Variants in PCGF5 observed in about 807,000 individuals in gnomAD.
PCGF5 encodes polycomb group RING finger protein 5.
PCGF5 carries 9 observed loss-of-function variants against 44.3 expected under a neutral mutation model. The ratio of observed to expected loss-of-function variants is 0.20; its 90% CI spans 0.12 to 0.35. The LOEUF (loss-of-function observed/expected upper bound fraction) is 0.35. PCGF5 is among the 10% of genes least tolerant of loss of function. PCGF5 has a pLI of 1.00. For missense variants in PCGF5, 146 were observed against 305.3 expected, an observed-to-expected ratio of 0.48 and a Z score of 3.89; for synonymous variants, 95 against 102.5, an observed-to-expected ratio of 0.93 and a Z score of 0.44.
intron 1 of PCGF5, among the ~76,000 whole-genome samples, chr10:91,169,712 A>G (rs1843569809): frequency 6.6e-6 from 1 of 152,344 alleles, no homozygotes; most frequent in East Asian, 1.9e-4. Flanking sequence ...AACTGTATTC[A>G]TATATTTAAT....
upstream of PCGF5, among the ~76,000 whole-genome samples, chr10:91,215,549 C>A (rs1844525428): frequency 1.3e-5 from 2 of 152,368 alleles, no homozygotes; most frequent in Non-Finnish European, 2.9e-5. Context: ...AATGTGCCCT[C>A]TTTTGCTGAG....
At chr10:91,277,009 A>G (rs1214809247) in intron 9 of PCGF5, among the ~76,000 whole-genome samples, 2 of 152,242 alleles carry the variant, frequency 1.3e-5, no homozygotes, top group South Asian at 2.1e-4. Context: ...AAGTAAAACC[A>G]GAACAGTTTT....
chr10:91,266,357 T>C (rs916497264), intron 8 of PCGF5, among the ~76,000 whole-genome samples: 6 of 152,216 alleles, frequency 3.9e-5, no homozygotes, highest in African/African-American at 1.2e-4. Flanking sequence ...ATTATTTTAA[T>C]GTCAAAGTAT....
chr10:91,156,219 G>A, the PCGF5 span, among the ~76,000 whole-genome samples: 1 of 152,146 alleles, frequency 6.6e-6, no homozygotes. Flanking sequence ...GGGAGGGTAT[G>A]GTGTGCCACA....
At chr10:91,251,562 A>T in intron 6 of PCGF5, 122 bp downstream of exon 6, 1 of 946,126 alleles carries the variant, frequency 1.1e-6, no homozygotes, top group Non-Finnish European at 1.6e-6. Flanking sequence ...ACATAATTAA[A>T]TAAAATGCCA....
chr10:91,226,568 G>A (rs994592803), intron 2 of PCGF5, among the ~76,000 whole-genome samples: 1 of 152,118 alleles, frequency 6.6e-6, no homozygotes, highest in African/African-American at 2.4e-5. Flanking sequence ...TCTTCTTTCA[G>A]ATGACTATGC....
chr10:91,216,127 A>G (rs893782952), upstream of PCGF5, among the ~76,000 whole-genome samples: 3 of 152,238 alleles, frequency 2.0e-5, no homozygotes, highest in African/African-American at 7.2e-5. Context: ...CTCTAGTGGG[A>G]GATCCAGATG....
intron 3 of PCGF5, among the ~76,000 whole-genome samples, chr10:91,245,959 G>T (rs932092897): frequency 6.6e-6 from 1 of 152,104 alleles, no homozygotes; most frequent in African/African-American, 2.4e-5. Flanking sequence ...ATTTGAAGGA[G>T]TATGGTTGTG....
intron 1 of PCGF5, among the ~76,000 whole-genome samples, chr10:91,189,827 A>G (rs901276245): frequency 2.0e-5 from 3 of 152,254 alleles, no homozygotes; most frequent in Non-Finnish European, 4.4e-5. Context: ...GAACACGTCT[A>G]TATTTTCAAG....
intron 2 of PCGF5, among the ~76,000 whole-genome samples, chr10:91,239,240 C>G (rs747771594): frequency 6.6e-6 from 1 of 152,160 alleles, no homozygotes; most frequent in Non-Finnish European, 1.5e-5. Context: ...TTGTTGGCCC[C>G]TGCATCCCCA....
At chr10:91,224,085 T>TA (rs1197699515) in intron 2 of PCGF5, among the ~76,000 whole-genome samples, 1 of 152,226 alleles carries the variant, frequency 6.6e-6, no homozygotes, top group Non-Finnish European at 1.5e-5. Flanking sequence ...AATTTTATGT[T>TA]ACATTTATGT....
At chr10:91,232,867 A>T (rs1845048837) in intron 2 of PCGF5, among the ~76,000 whole-genome samples, 1 of 152,150 alleles carries the variant, frequency 6.6e-6, no homozygotes, top group South Asian at 2.1e-4. Context: ...AGCGTAATGG[A>T]CTTGGGGCAT....
At chr10:91,177,025 A>T (rs1312937905) in intron 1 of PCGF5, among the ~76,000 whole-genome samples, 1 of 151,956 alleles carries the variant, frequency 6.6e-6, no homozygotes, top group Non-Finnish European at 1.5e-5. Context: ...TTTTTTCCCC[A>T]TCTTTGTGGT....
chr10:91,246,766 A>G (rs1257071491), intron 3 of PCGF5, among the ~76,000 whole-genome samples: 2 of 152,110 alleles, frequency 1.3e-5, no homozygotes, highest in Non-Finnish European at 2.9e-5. Context: ...AAATTATGGT[A>G]TCACTTAAAA....
chr10:91,159,089 C>G (rs1843350324), upstream of PCGF5, among the ~76,000 whole-genome samples: 2 of 152,154 alleles, frequency 1.3e-5, no homozygotes, highest in African/African-American at 4.8e-5. Context: ...CTTCTTTAAA[C>G]AGCAGACTAG....
intron 3 of PCGF5, among the ~76,000 whole-genome samples, chr10:91,247,410 T>C (rs150872267): frequency 1.3e-5 from 2 of 152,208 alleles, no homozygotes; most frequent in African/African-American, 2.4e-5. Flanking sequence ...ATAATGTAGG[T>C]TTTATTTTCA....
At chr10:91,189,208 A>C (rs1302065058) in intron 1 of PCGF5, among the ~76,000 whole-genome samples, 1 of 152,052 alleles carries the variant, frequency 6.6e-6, no homozygotes, top group Non-Finnish European at 1.5e-5. Context: ...TTCTTTTACA[A>C]CCCTGATTGA....
At chr10:91,275,607 A>ATTTTTTT (rs72439811) in intron 9 of PCGF5, among the ~76,000 whole-genome samples, 1 of 128,892 alleles carries the variant, frequency 7.8e-6, no homozygotes, top group African/African-American at 3.1e-5. Flanking sequence ...TGCCCGGCTA[A>ATTTTTTT]TTTTTTTTTT....
intron 1 of PCGF5, among the ~76,000 whole-genome samples, chr10:91,178,370 G>A (rs1361364992): frequency 6.6e-6 from 1 of 151,166 alleles, no homozygotes; most frequent in Admixed American, 6.6e-5. Context: ...GGGTATTGCT[G>A]TTTCTCTTTC....
Sources: gnomAD v4.1 joint callset for allele counts (sites outside exome capture counted in the v4.1 genomes callset) on GRCh38, gnomAD v4.1.1 for gene constraint, MANE v1.5 for transcripts, NCBI Gene and HGNC (gene_info 2026-07-23, HGNC 2026-07-21) for gene names.